SVEP1: variants seen among roughly 807,000 people sequenced by gnomAD.
SVEP1 encodes sushi, von Willebrand factor type A, EGF and pentraxin domain-containing protein 1.
Under a neutral mutation model 367.3 loss-of-function variants are expected in SVEP1, and 164 were observed. The observed-to-expected ratio is 0.45, with a 90% CI of 0.39 to 0.51. The LOEUF is 0.51. Ranked by LOEUF, SVEP1 falls within the 20% of genes least tolerant of loss-of-function variation. SVEP1 has a pLI of 0.00. For synonymous variants in SVEP1, 1,666 were observed against 1,611.6 expected (o/e 1.03, Z -0.81); for missense variants, 4,117 against 4,425.3 (o/e 0.93, Z 1.98).
intron 18 of SVEP1, among the ~76,000 whole-genome samples, chr9:110,459,494 G>T (rs1413105308): frequency 3.9e-5 from 6 of 152,062 alleles, no homozygotes; most frequent in Admixed American, 3.9e-4. Flanking sequence ...TGGATATTTA[G>T]ATTGTTTTCA....
chr9:110,445,220 C>T (rs920333534), intron 26 of SVEP1, among the ~76,000 whole-genome samples: 2 of 152,114 alleles, frequency 1.3e-5, no homozygotes, highest in South Asian at 2.1e-4. Flanking sequence ...AGTTGGCCAA[C>T]GATGGAAGTC....
intron 3 of SVEP1, among the ~76,000 whole-genome samples, chr9:110,538,075 AG>A (rs994422571): frequency 3.3e-5 from 5 of 152,012 alleles, no homozygotes; most frequent in Admixed American, 2.0e-4. Context: ...AGTATTTCTA[AG>A]GAACACAACA....
At chr9:110,394,251 T>C (rs904864621) in intron 40 of SVEP1, among the ~76,000 whole-genome samples, 5 of 152,202 alleles carry the variant, frequency 3.3e-5, no homozygotes, top group African/African-American at 7.2e-5. Flanking sequence ...AAACAGGGTC[T>C]GGATTGGACC....
chr9:110,554,154 G>A (rs975961636), intron 1 of SVEP1, among the ~76,000 whole-genome samples: 5 of 151,438 alleles, frequency 3.3e-5, no homozygotes, highest in South Asian at 4.2e-4. Context: ...CACCCGTCTC[G>A]GCTGCTATAG....
chr9:110,395,794 A>G (rs1366216671), intron 40 of SVEP1, among the ~76,000 whole-genome samples: 1 of 152,066 alleles, frequency 6.6e-6, no homozygotes, highest in Admixed American at 6.6e-5. Flanking sequence ...ATTCAACAAG[A>G]AGAGCTAACT....
Position 110,403,300 on chromosome 9 carries a change from T to TTTTTTTTG in SVEP1, c.9666+1026_9666+1027insCAAAAAAA, listed in dbSNP as rs1564132068. ...GATTCCTTCCCCGCCACCGCCGTTTTTTTTTTTTTTTTTTTTTTTTTTTGA... is the reference window on the plus strand; with the variant it reads ...GATTCCTTCCCCGCCACCGCCGTTTTTTTTTTTGTTTTTTTTTTTTTTTTTTTTTTTGA... On this transcript the variant is annotated intron_variant, in intron 39 of 47. Transcript: ENST00000374469. Among the ~76,000 whole-genome samples, 18 of 122,198 alleles carry TTTTTTTTG rather than the reference T, an allele frequency of 1.5e-4. 2 individuals are homozygous for TTTTTTTTG. The South Asian group carries it at 3.3e-3, about 22-fold the overall frequency. 80.2% of individuals were successfully genotyped at this position (122,198 alleles called of 152,430 possible).
chr9:110,452,468 A>T (rs74357698), intron 22 of SVEP1, among the ~76,000 whole-genome samples: 5,039 of 152,300 alleles, frequency 0.033, 79 homozygotes, highest in Middle Eastern at 0.058. Flanking sequence ...ATACTGTCTA[A>T]GGAAATGCAA....
chr9:110,455,606 G>A lies in SVEP1; in HGVS notation c.3771C>T (p.Cys1257=). The change falls in exon 22 of 48, where the codon TGC becomes TGT. Residue 1257 remains cysteine (C), a synonymous_variant. Transcript: ENST00000374469. ...KDLVGEFICE[C]PSGYTGQRCE... Reference sequence around the variant, plus strand: ...TCCCCTTACCTGTGTAACCTGATGGGCACTCACAAATGAATTCCCCAACTA... The same window carrying A: ...TCCCCTTACCTGTGTAACCTGATGGACACTCACAAATGAATTCCCCAACTA... 5 of 1,613,100 alleles carry A rather than the reference G, an allele frequency of 3.1e-6. No homozygotes were observed. Among genetic ancestry groups the A allele is most frequent in the Non-Finnish European group, 4.2e-6 (5 of 1,179,440 alleles).
chr9:110,469,163 T>C (rs1828981532), intron 16 of SVEP1, 62 bp from the exon 17 acceptor site: 16 of 1,490,326 alleles, frequency 1.1e-5, no homozygotes, highest in African/African-American at 1.4e-5. Context: ...ACTGGGCTTT[T>C]TTTTCCTAAG....
chr9:110,561,791 C>G (rs906605060), intron 1 of SVEP1, among the ~76,000 whole-genome samples: 13 of 152,068 alleles, frequency 8.5e-5, no homozygotes, highest in African/African-American at 3.1e-4. Flanking sequence ...ATTGAGCTTT[C>G]CTATTTATAC....
intron 3 of SVEP1, among the ~76,000 whole-genome samples, chr9:110,542,997 A>T (rs912064305): frequency 4.0e-5 from 6 of 148,584 alleles, no homozygotes; most frequent in Non-Finnish European, 7.4e-5. Context: ...TATATAAAAT[A>T]AAAAAAATAA....
chr9:110,442,170 T>A (rs141346976), intron 27 of SVEP1, among the ~76,000 whole-genome samples: 1 of 152,220 alleles, frequency 6.6e-6, no homozygotes, highest in Non-Finnish European at 1.5e-5. Flanking sequence ...CATAGAATGA[T>A]GTTCCTTTCC....
At chr9:110,568,838 G>A (rs1830521719) in intron 1 of SVEP1, among the ~76,000 whole-genome samples, 2 of 152,204 alleles carry the variant, frequency 1.3e-5, no homozygotes, top group African/African-American at 4.8e-5. Context: ...GATGGCTCAT[G>A]CCTATAATCC....
chr9:110,408,704 T>C lies in SVEP1; in HGVS notation c.6896A>G (p.Asp2299Gly). The C allele has an allele frequency of 6.2e-7, 1 of 1,614,008 alleles. No homozygotes were observed. The highest frequency in any genetic ancestry group is 8.5e-7 in the Non-Finnish European group (1 of 1,179,896). ...FCNEGYELVG[D>G]SSWTCQKSGK... ...AGATTTCTGACATGTCCAAGAACTGTCACCAACAAGCTCATAACCCTCATT... is the reference window on the plus strand; with the variant it reads ...AGATTTCTGACATGTCCAAGAACTGCCACCAACAAGCTCATAACCCTCATT... The change falls in exon 38 of 48, where the codon GAC (aspartate) becomes GGC (glycine). Residue 2299 changes from aspartate (D) to glycine (G), a missense_variant. By Grantham distance (94) the Asp-to-Gly change is moderately conservative. This residue lies in a region of SVEP1 where 1,765 missense variants were observed against 1,781.1 expected (regional missense o/e 0.99). Coordinates refer to ENST00000374469, the MANE Select transcript of SVEP1 (RefSeq NM_153366.4).
At chr9:110,372,622 T>A (rs1031271283) in intron 46 of SVEP1, among the ~76,000 whole-genome samples, 3 of 152,210 alleles carry the variant, frequency 2.0e-5, no homozygotes, top group African/African-American at 7.2e-5. Context: ...TATTGTGATA[T>A]TGAACAAGTT....
rs367741777 is a variant in SVEP1, at chr9:110,408,925, A to T, written c.6675T>A (p.Ser2225Arg). ...CCGGGTTACACTGATACCTCACTTC[A>T]CTCTCAAAGATCCTGCCAGTTGTAT... ...LEHTTGRIFE[S>R]EVRYQCNPGY... Residue 2225 changes from serine (S) to arginine (R), a missense_variant, in exon 38 of 48, where the codon AGT (serine) becomes AGA (arginine). Physicochemically the swap from Ser to Arg is moderately radical, Grantham distance 110. This residue lies in a region of SVEP1 where 1,765 missense variants were observed against 1,781.1 expected (regional missense o/e 0.99). Transcript: ENST00000374469. The T allele has an allele frequency of 6.3e-7, 1 of 1,593,348 alleles. No individual in the cohort carries two copies. Among genetic ancestry groups the T allele is most frequent in the African/African-American group, 1.3e-5 (1 of 74,342 alleles).
chr9:110,403,591 C>A (rs183708812), intron 39 of SVEP1, among the ~76,000 whole-genome samples: 91 of 151,952 alleles, frequency 6.0e-4, no homozygotes, highest in African/African-American at 1.9e-3. Context: ...GCGTGAGCCA[C>A]CGTGCCCGGC....
In SVEP1 at chr9:110,369,905, A is replaced by AG. The variant is rs756905582; in HGVS notation, c.10694+17dup. 6.3e-5 allele frequency: 101 copies of AG among 1,603,270 alleles called. No homozygotes were observed. The highest frequency in any genetic ancestry group is 7.8e-5 in the Non-Finnish European group (91 of 1,173,130). ...AGTCTTCATGTTATAGGCGAACATT[A>AG]GTTTTTGGTTATCTTACCTGGAACA... On this transcript the variant is annotated intron_variant, in intron 47 of 47. Coordinates refer to ENST00000374469, the MANE Select transcript of SVEP1 (RefSeq NM_153366.4).
At chr9:110,548,831 A>AT (rs919046957) in intron 2 of SVEP1, among the ~76,000 whole-genome samples, 2 of 152,104 alleles carry the variant, frequency 1.3e-5, no homozygotes, top group Non-Finnish European at 2.9e-5. Flanking sequence ...AGAGAGATAA[A>AT]TCTTTTTTGC....
Sources: gnomAD v4.1 joint callset for allele counts (sites outside exome capture counted in the v4.1 genomes callset) on GRCh38, gnomAD v4.1.1 for gene constraint, gnomAD v4.1.1 regional missense constraint, MANE v1.5 for transcripts, NCBI Gene and HGNC (gene_info 2026-07-23, HGNC 2026-07-21) for gene names.